Variants in LANCL2 observed in about 807,000 individuals in gnomAD.
LANCL2 encodes the protein lanC-like protein 2.
A neutral mutation model predicts 56.9 loss-of-function variants in LANCL2; 33 were observed. The ratio of observed to expected loss-of-function variants is 0.58; its 90% CI spans 0.44 to 0.78. The LOEUF is 0.78. LANCL2 is among the 30% of genes least tolerant of loss of function. LANCL2 has a pLI of 0.00. For synonymous variants in LANCL2, 233 were observed against 228.2 expected (o/e 1.02, Z -0.19); for missense variants, 562 against 580.2 (o/e 0.97, Z 0.32).
intron 2 of LANCL2, among the ~76,000 whole-genome samples, chr7:55,394,985 T>C (rs1304622701): frequency 6.6e-6 from 1 of 152,052 alleles, no homozygotes; most frequent in Non-Finnish European, 1.5e-5. Context: ...GCTGACAGTG[T>C]AGGGAAGGAA....
At chr7:55,386,802 G>T (rs919792643) in intron 1 of LANCL2, among the ~76,000 whole-genome samples, 5 of 152,180 alleles carry the variant, frequency 3.3e-5, no homozygotes, top group African/African-American at 1.2e-4. Flanking sequence ...GCCCTACTAG[G>T]ATTGTTAGTT....
At chr7:55,400,420 C>G (rs1790308233) in intron 4 of LANCL2, among the ~76,000 whole-genome samples, 1 of 152,148 alleles carries the variant, frequency 6.6e-6, no homozygotes, top group Admixed American at 6.5e-5. Context: ...TGGGGACCAG[C>G]TTCTTCTGTC....
chr7:55,377,698 A>G (rs1211149721), intron 1 of LANCL2, among the ~76,000 whole-genome samples: 2 of 152,184 alleles, frequency 1.3e-5, no homozygotes, highest in African/African-American at 2.4e-5. Flanking sequence ...GCTTTATAAT[A>G]CACTTGGGCA....
chr7:55,422,921 C>T (rs1456824434), intron 6 of LANCL2, among the ~76,000 whole-genome samples: 2 of 152,180 alleles, frequency 1.3e-5, no homozygotes, highest in East Asian at 1.9e-4. Context: ...GTAGCATGGG[C>T]GCACAGGCCC....
chr7:55,377,703 T>C (rs1487194397), intron 1 of LANCL2, among the ~76,000 whole-genome samples: 1 of 152,212 alleles, frequency 6.6e-6, no homozygotes, highest in African/African-American at 2.4e-5. Flanking sequence ...ATAATACACT[T>C]GGGCATTCTT....
chr7:55,412,973 G>C (rs1790487530), intron 6 of LANCL2, among the ~76,000 whole-genome samples: 1 of 152,100 alleles, frequency 6.6e-6, no homozygotes. Context: ...AATTACTTAG[G>C]AAAATTGTGG....
chr7:55,384,953 G>A (rs1583746544), intron 1 of LANCL2, among the ~76,000 whole-genome samples: 1 of 152,202 alleles, frequency 6.6e-6, no homozygotes, highest in East Asian at 1.9e-4. Context: ...TTGTGGGGCA[G>A]AGGTGGGAGG....
At chr7:55,380,415 GTT>G (rs35619978) in intron 1 of LANCL2, among the ~76,000 whole-genome samples, 52,182 of 146,798 alleles carry the variant, frequency 0.36, 9,529 homozygotes, top group African/African-American at 0.42. Flanking sequence ...ATACTGCATT[GTT>G]TTTTTTTTTT....
At chr7:55,422,305 T>C (rs976443432) in intron 6 of LANCL2, among the ~76,000 whole-genome samples, 4 of 152,176 alleles carry the variant, frequency 2.6e-5, no homozygotes, top group African/African-American at 9.7e-5. Flanking sequence ...GAATTCTGGG[T>C]TGACTTTTTT....
rs1023113523 is a variant in LANCL2, at chr7:55,426,515, C to T, written c.1185+1085C>T. Among the ~76,000 whole-genome samples, 3 of 152,126 alleles carry T rather than the reference C, an allele frequency of 2.0e-5. No individual in the cohort carries two copies. The East Asian group carries it at 5.8e-4, about 29-fold the overall frequency. ...ATTACTTTCTGAAGACTTCTCAACC[C>T]CAGTGGAATGGGCCCTACCTCGTTG... is the stretch of plus-strand genomic sequence containing the variant. On this transcript the variant is annotated intron_variant, in intron 7 of 8. Coordinates refer to ENST00000254770, the MANE Select transcript of LANCL2 (RefSeq NM_018697.4).
At chr7:55,414,985 A>C (rs1419677545) in intron 6 of LANCL2, among the ~76,000 whole-genome samples, 2 of 126,854 alleles carry the variant, frequency 1.6e-5, no homozygotes, top group Non-Finnish European at 3.5e-5. Context: ...CCCTACCTCA[A>C]AAAAAAAAAA....
At chr7:55,425,166 G>A (rs1583767288) in intron 6 of LANCL2, 88 bp from the exon 7 acceptor site, 2 of 1,331,542 alleles carry the variant, frequency 1.5e-6, no homozygotes, top group East Asian at 2.3e-5. Context: ...CTAATATCAT[G>A]CCATATTCTA....
rs1199382122 is a variant in LANCL2 at position 55,414,427 on chromosome 7, A to G, written c.1008+2338A>G. 2.0e-5 allele frequency among the ~76,000 whole-genome samples: 3 copies of G among 152,186 alleles called. No homozygotes were observed. In the South Asian group the frequency reaches 6.2e-4, roughly 32 times the overall value. On this transcript the variant is annotated intron_variant, in intron 6 of 8. Transcript: ENST00000254770. ...GTTTTATGTAATAACAAGCTCTAAC[A>G]TTTTCTTCTCCTGGCATATGAAGTC... is the stretch of plus-strand genomic sequence containing the variant.
chr7:55,372,847 T>G (rs1789959421), intron 1 of LANCL2, among the ~76,000 whole-genome samples: 3 of 152,210 alleles, frequency 2.0e-5, no homozygotes, highest in South Asian at 2.1e-4. Context: ...ATGTACAATA[T>G]TTATATGGCT....
intron 2 of LANCL2, chr7:55,396,804 A>G (rs1790259106): frequency 6.6e-6 from 1 of 152,218 alleles, no homozygotes; most frequent in South Asian, 2.1e-4. Flanking sequence ...GGTTAATCAG[A>G]TCAACATCCT....
rs1056089826 is a variant in LANCL2, at chr7:55,417,137, G to A, written c.1008+5048G>A. On this transcript the variant is annotated intron_variant, in intron 6 of 8. Transcript: ENST00000254770. ...TGGGACTACAGGCGCCCGTCACCACGCCTGGCTAATTTTTTGTATTTTTAG... is the reference window on the plus strand; with the variant it reads ...TGGGACTACAGGCGCCCGTCACCACACCTGGCTAATTTTTTGTATTTTTAG... Among the ~76,000 whole-genome samples, 14 of 151,708 alleles carry A rather than the reference G, an allele frequency of 9.2e-5. No individual in the cohort carries two copies. In the South Asian group the frequency reaches 1.2e-3, roughly 14 times the overall value.
intron 1 of LANCL2, among the ~76,000 whole-genome samples, chr7:55,368,152 A>G (rs779127653): frequency 1.3e-5 from 2 of 152,256 alleles, no homozygotes; most frequent in Non-Finnish European, 2.9e-5. Context: ...TGTTAGAGAC[A>G]TGGGAAGCAG....
intron 1 of LANCL2, among the ~76,000 whole-genome samples, chr7:55,376,876 G>T (rs1790009247): frequency 6.6e-6 from 1 of 152,180 alleles, no homozygotes; most frequent in African/African-American, 2.4e-5. Context: ...TTTTTCAAAA[G>T]AATAACTAAT....
intron 6 of LANCL2, among the ~76,000 whole-genome samples, chr7:55,415,961 A>G (rs1015558852): frequency 2.6e-5 from 4 of 151,986 alleles, no homozygotes; most frequent in African/African-American, 7.3e-5. Context: ...GCTATTAGGA[A>G]CAAGCTGCTA....
Sources: gnomAD v4.1 joint callset for allele counts (sites outside exome capture counted in the v4.1 genomes callset) on GRCh38, gnomAD v4.1.1 for gene constraint, MANE v1.5 for transcripts, NCBI Gene and HGNC (gene_info 2026-07-23, HGNC 2026-07-21) for gene names.